Variants in ABCA8 observed in about 807,000 individuals in gnomAD.
ABCA8 encodes ATP binding cassette subfamily A member 8.
In ABCA8, 177 loss-of-function variants were observed where a neutral mutation model predicts 192.3. The observed-to-expected ratio is 0.92, with a 90% CI of 0.81 to 1.04. ABCA8 has a LOEUF of 1.04. Ranked by LOEUF, ABCA8 falls within the 50% of genes least tolerant of loss-of-function variation. ABCA8 has a pLI of 0.00. For missense variants in ABCA8, 1,915 were observed against 1,904.8 expected (o/e 1.01, Z -0.10); for synonymous variants, 642 against 690.2 (o/e 0.93, Z 1.09).
At chr17:68,932,590 T>A (rs28439676) in intron 6 of ABCA8, 76 bp from the exon 7 acceptor site, 1 of 1,090,426 alleles carries the variant, frequency 9.2e-7, no homozygotes, top group Non-Finnish European at 1.4e-6. Flanking sequence ...ATCTATTTTC[T>A]TGTGGATGTA....
chr17:68,911,127 C>T lies in ABCA8; in HGVS notation c.2139-3248G>A, dbSNP rs147299926. Among the ~76,000 whole-genome samples the T allele has an allele frequency of 1.7e-3, 256 of 152,212 alleles. 3 individuals carry two copies. The highest frequency in any genetic ancestry group is 2.5e-3 in the Non-Finnish European group (171 of 67,998). On this transcript the variant is annotated intron_variant, in intron 17 of 39. Coordinates refer to ENST00000586539, the MANE Select transcript of ABCA8 (RefSeq NM_001288985.2). This position sits in a 1 kb window ranked among gnomAD's most constrained non-coding sequence, Gnocchi z 5.7. ...CTTAGCTACAGTGGAGTAGAGAGCA[C>T]CAAGCGGACTCCTGGGGTCCTGGAT...
At chr17:68,892,882 C>G (rs1263432085) in intron 23 of ABCA8, among the ~76,000 whole-genome samples, 1 of 152,136 alleles carries the variant, frequency 6.6e-6, no homozygotes, top group Non-Finnish European at 1.5e-5. Context: ...CAGTGACTCA[C>G]ACCTGTAATC....
intron 17 of ABCA8, among the ~76,000 whole-genome samples, chr17:68,908,367 C>T (rs1345704193): frequency 6.6e-6 from 1 of 152,088 alleles, no homozygotes; most frequent in African/African-American, 2.4e-5. Context: ...TGTAGTCATC[C>T]AATGCAAATT....
chr17:68,902,897 G>A lies in ABCA8; in HGVS notation c.2598-18C>T, dbSNP rs771926015. On this transcript the variant is annotated intron_variant, in intron 20 of 39. Coordinates refer to ENST00000586539, the MANE Select transcript of ABCA8 (RefSeq NM_001288985.2). ...TTAATAGCCTACACAAAAGAAAATT[G>A]CCAAAATGAATGCAATGTCATTTCC... 1 of 1,599,098 alleles carries A rather than the reference G, an allele frequency of 6.3e-7. No individual in the cohort carries two copies. Among genetic ancestry groups the A allele is most frequent in the African/African-American group, 1.3e-5 (1 of 74,338 alleles).
Position 68,876,646 on chromosome 17 carries a change from T to G in ABCA8, c.4257A>C (p.Ser1419=). The G allele has an allele frequency of 6.2e-7, 1 of 1,614,168 alleles. No homozygotes were observed. Among genetic ancestry groups the G allele is most frequent in the Non-Finnish European group, 8.5e-7 (1 of 1,180,012 alleles). ...CCCGTACCTTTCTCTTTATTCCCTC[T>G]GACAAGGTCTTCACGGGAGACTTCA... The part of the protein sequence containing the change: ...DQLKSPVKTL[S]EGIKRKLCFV... Residue 1419 remains serine, a synonymous_variant, in exon 34 of 40, where the codon TCA becomes TCC. Transcript: ENST00000586539.
chr17:68,940,801 G>T lies in ABCA8; in HGVS notation c.258C>A (p.Thr86=), dbSNP rs113418583. The part of the protein sequence containing the change: ...SVVYTPVTNT[T]QQIMNKVAST... ...AGGCTACTTTATTCATTATCTGTTG[G>T]GTCGTGTTGGTGACAGGTGTGTATA... Residue 86 remains threonine (T), a synonymous_variant, in exon 4 of 40, where the codon ACC becomes ACA. Transcript: ENST00000586539. 755 of 1,613,430 alleles carry T rather than the reference G, an allele frequency of 4.7e-4. 3 individuals are homozygous for T. In the African/African-American group the frequency reaches 8.4e-3, roughly 18 times the overall value.
Position 68,876,858 on chromosome 17 carries a change from C to G in ABCA8, c.4200-155G>C, listed in dbSNP as rs75992718. Among the ~76,000 whole-genome samples, 825 of 152,262 alleles carry G rather than the reference C, an allele frequency of 5.4e-3. 10 individuals carry two copies. The highest frequency in any genetic ancestry group is 0.029 in the South Asian group (138 of 4,826). Reference sequence around the variant, plus strand: ...AAGGAGGGGTGATATTACTGGCTGACTTGCTCCCCTACAAAAGATAATATT... The same window carrying G: ...AAGGAGGGGTGATATTACTGGCTGAGTTGCTCCCCTACAAAAGATAATATT... On this transcript the variant is annotated intron_variant, in intron 33 of 39. Transcript: ENST00000586539.
intron 39 of ABCA8, 27 bp downstream of exon 39, chr17:68,868,274 T>C (rs1161478086): frequency 6.2e-7 from 1 of 1,611,348 alleles, no homozygotes; most frequent in Non-Finnish European, 8.5e-7. Flanking sequence ...ATACCATGGA[T>C]GATACGAATC....
Position 68,949,886 on chromosome 17 carries a change from G to A in ABCA8, c.-166-414C>T, listed in dbSNP as rs533584234. Among the ~76,000 whole-genome samples the A allele has an allele frequency of 3.9e-5, 6 of 152,114 alleles. No individual in the cohort carries two copies. In the East Asian group the frequency reaches 9.7e-4, roughly 24 times the overall value. On this transcript the variant is annotated intron_variant, in intron 1 of 39. Transcript: ENST00000586539. ...GCATTCCCTTTGAAAACTGGCACAA[G>A]GCAAGGATGCCCTCTCTCACCACTC... is the stretch of plus-strand genomic sequence containing the variant.
At position 68,901,527 on chromosome 17, in the gene ABCA8, G is replaced by T. The variant is rs558906585; in HGVS notation, c.2764+1186C>A. ...AATCCTCAAAAATTGCTGATGTGAG[G>T]CCGGGCGCGGTGGCTCACGCCTGTA... On this transcript the variant is annotated intron_variant, in intron 21 of 39. Transcript: ENST00000586539. Among the ~76,000 whole-genome samples, 4 of 152,290 alleles carry T rather than the reference G, an allele frequency of 2.6e-5. No individual in the cohort carries two copies. The East Asian group carries it at 7.7e-4, about 29-fold the overall frequency.
chr17:68,877,442 T>A, intron 33 of ABCA8, 77 bp downstream of exon 33: 3 of 1,380,996 alleles, frequency 2.2e-6, no homozygotes, highest in Non-Finnish European at 1.9e-6. Context: ...CCATCCTGAA[T>A]TTCCTGTGAG....
At chr17:68,922,374 G>A in intron 11 of ABCA8, 74 bp from the exon 12 acceptor site, 1 of 1,036,350 alleles carries the variant, frequency 9.6e-7, no homozygotes, top group Non-Finnish European at 1.4e-6. Flanking sequence ...AGACAGGATT[G>A]GATAAATCTT....
chr17:68,946,383 A>G (rs2068409037), intron 2 of ABCA8, among the ~76,000 whole-genome samples: 2 of 152,108 alleles, frequency 1.3e-5, no homozygotes, highest in Non-Finnish European at 2.9e-5. Flanking sequence ...ACCAAAATTT[A>G]TTACTTTTTC....
At chr17:68,886,536 T>C (rs1372451644) in intron 26 of ABCA8, among the ~76,000 whole-genome samples, 1 of 152,238 alleles carries the variant, frequency 6.6e-6, no homozygotes, top group Non-Finnish European at 1.5e-5. Context: ...TGGACCTCTT[T>C]ATTATTCAGT....
chr17:68,892,372 T>C (rs1029828115), intron 23 of ABCA8, among the ~76,000 whole-genome samples: 1 of 152,162 alleles, frequency 6.6e-6, no homozygotes, highest in African/African-American at 2.4e-5. Flanking sequence ...GGGTCAATAC[T>C]TAGTGGCCAA....
In ABCA8 at chr17:68,883,867, T is replaced by A. The variant is rs773232142; in HGVS notation, c.3631A>T (p.Ile1211Phe). 3 of 1,588,088 alleles carry A rather than the reference T, an allele frequency of 1.9e-6. No individual in the cohort carries two copies. Among genetic ancestry groups the A allele is most frequent in the Non-Finnish European group, 2.6e-6 (3 of 1,165,248 alleles). ...CATCGAAGAGTAAAAAGAAAAATGA[T>A]AAAATGAAGGAAAGGCTAGGAATAA... ...LVFLIPFLHFIIFLFTLRCLE... is the reference protein window; with the variant it reads ...LVFLIPFLHFFIFLFTLRCLE... Residue 1211 changes from isoleucine (I) to phenylalanine (F), a missense_variant, in exon 29 of 40, where the codon ATC becomes TTC. By Grantham distance (21) the Ile-to-Phe change is conservative. Transcript: ENST00000586539.
chr17:68,909,870 A>C (rs2067188507), intron 17 of ABCA8, among the ~76,000 whole-genome samples: 1 of 152,154 alleles, frequency 6.6e-6, no homozygotes, highest in Non-Finnish European at 1.5e-5. Flanking sequence ...AGATGGTATA[A>C]ATTTACAAAA....
rs3744497 is a variant in ABCA8 at position 68,932,543 on chromosome 17, T to C, written c.571-29A>G. On this transcript the variant is annotated intron_variant, in intron 6 of 39. Transcript: ENST00000586539. The stretch of plus-strand genomic sequence containing the variant: ...AAGAAAGGCATTAATAAGCAAAATT[T>C]GTACGTTAATGAACAGCATGCAGTT... 2,231 of 1,466,540 alleles carry C rather than the reference T, an allele frequency of 1.5e-3. 35 individuals are homozygous for C. The East Asian group carries it at 0.043, about 28-fold the overall frequency. The allele number at this position is 1,466,540 out of a possible 1,614,324, so 90.8% of individuals were successfully genotyped here.
intron 18 of ABCA8, 95 bp from the exon 19 acceptor site, chr17:68,906,258 T>A: frequency 1.1e-6 from 1 of 894,362 alleles, no homozygotes; most frequent in Non-Finnish European, 1.6e-6. Flanking sequence ...TATGAAACTA[T>A]ACTTGTGATA....
Sources: allele counts gnomAD v4.1 joint callset (sites outside exome capture counted in the v4.1 genomes callset), GRCh38; gene constraint gnomAD v4.1.1; non-coding constraint Gnocchi (gnomAD v3.1); transcripts MANE v1.5; gene names NCBI Gene and HGNC (gene_info 2026-07-23, HGNC 2026-07-21).